CSGALNACT1: variants seen among roughly 807,000 people sequenced by gnomAD.
The protein encoded by CSGALNACT1 is beta4GalNAcT-1.
CSGALNACT1 carries 52 observed loss-of-function variants against 51.0 expected under a neutral mutation model. The observed-to-expected ratio is 1.02, with a 90% confidence interval of 0.82 to 1.29. The LOEUF (loss-of-function observed/expected upper bound fraction) is 1.29. Ranked by LOEUF, CSGALNACT1 falls within the 50% of genes most tolerant of loss-of-function variation. CSGALNACT1 has a pLI of 0.00. For synonymous variants in CSGALNACT1, 341 were observed against 254.4 expected (o/e 1.34, Z -3.24); for missense variants, 935 against 679.2 (o/e 1.38, Z -4.19).
At chr8:19,674,317 C>G (rs533297247) in intron 1 of CSGALNACT1, among the ~76,000 whole-genome samples, 1 of 151,864 alleles carries the variant, frequency 6.6e-6, no homozygotes, top group African/African-American at 2.4e-5. Flanking sequence ...TAAGGGAGGT[C>G]TGATGAATGC....
chr8:19,712,389 T>G (rs771825214), intron 1 of CSGALNACT1, among the ~76,000 whole-genome samples: 1 of 152,038 alleles, frequency 6.6e-6, no homozygotes, highest in Non-Finnish European at 1.5e-5. Flanking sequence ...ACAGGAACAG[T>G]TGGAGGATGG....
chr8:19,652,733 T>G (rs377281403), intron 1 of CSGALNACT1, among the ~76,000 whole-genome samples: 2 of 152,218 alleles, frequency 1.3e-5, no homozygotes, highest in Non-Finnish European at 2.9e-5. Flanking sequence ...CCTGTGTTAA[T>G]TGAATTTTGA....
chr8:19,593,891 G>T (rs751752328), intron 2 of CSGALNACT1, among the ~76,000 whole-genome samples: 1 of 152,112 alleles, frequency 6.6e-6, no homozygotes, highest in East Asian at 1.9e-4. Context: ...TCTCAACCTT[G>T]TGCTGAAACT....
intron 4 of CSGALNACT1, among the ~76,000 whole-genome samples, chr8:19,473,677 AG>A (rs2068736447): frequency 6.6e-6 from 1 of 152,248 alleles, no homozygotes; most frequent in Admixed American, 6.5e-5. Flanking sequence ...AAAAGTCAAA[AG>A]TAGTGTCTCT....
chr8:19,619,948 C>A (rs932678364), intron 1 of CSGALNACT1, among the ~76,000 whole-genome samples: 3 of 152,140 alleles, frequency 2.0e-5, no homozygotes, highest in African/African-American at 7.2e-5. Flanking sequence ...CTTCTAAATT[C>A]TAGTTCTCTA....
intron 4 of CSGALNACT1, among the ~76,000 whole-genome samples, chr8:19,504,865 A>G (rs1019018076): frequency 1.3e-5 from 2 of 152,234 alleles, no homozygotes; most frequent in African/African-American, 4.8e-5. Context: ...TTGCTAACCA[A>G]GCTCAGTTAC....
intron 2 of CSGALNACT1, among the ~76,000 whole-genome samples, chr8:19,598,934 G>A (rs2049597026): frequency 6.6e-6 from 1 of 152,158 alleles, no homozygotes; most frequent in South Asian, 2.1e-4. Context: ...GCCAGGCACT[G>A]GTCCTCAAGC....
intron 1 of CSGALNACT1, among the ~76,000 whole-genome samples, chr8:19,739,154 TC>T (rs2064159784): frequency 6.6e-6 from 1 of 151,834 alleles, no homozygotes; most frequent in Admixed American, 6.6e-5. Context: ...TATGCTTCTA[TC>T]GTGCTACTCA....
At chr8:19,723,952 T>C (rs544553988) in intron 1 of CSGALNACT1, among the ~76,000 whole-genome samples, 2 of 152,266 alleles carry the variant, frequency 1.3e-5, no homozygotes, top group African/African-American at 4.8e-5. Context: ...TAGTAACATA[T>C]TACCATTTAT....
intron 5 of CSGALNACT1, among the ~76,000 whole-genome samples, chr8:19,446,960 T>G (rs1181607853): frequency 1.3e-5 from 2 of 152,198 alleles, no homozygotes; most frequent in African/African-American, 4.8e-5. Context: ...GTACAGAGGC[T>G]AATTAAGATG....
intron 1 of CSGALNACT1, among the ~76,000 whole-genome samples, chr8:19,717,323 T>C (rs1309676480): frequency 6.6e-6 from 1 of 152,218 alleles, no homozygotes; most frequent in Non-Finnish European, 1.5e-5. Flanking sequence ...ACCACTGACA[T>C]AGCCTATGTA....
At chr8:19,428,637 T>A (rs1390304079) in intron 6 of CSGALNACT1, among the ~76,000 whole-genome samples, 2 of 152,168 alleles carry the variant, frequency 1.3e-5, no homozygotes, top group Non-Finnish European at 2.9e-5. Flanking sequence ...ACATAAGGAC[T>A]GGCGAATAGT....
intron 1 of CSGALNACT1, among the ~76,000 whole-genome samples, chr8:19,626,168 A>G (rs910291037): frequency 6.6e-6 from 1 of 152,236 alleles, no homozygotes; most frequent in Non-Finnish European, 1.5e-5. Flanking sequence ...CAGTTTTAAG[A>G]CTTACTGTGT....
chr8:19,420,019 A>G (rs7016259), intron 7 of CSGALNACT1, among the ~76,000 whole-genome samples: 75,636 of 151,984 alleles, frequency 0.5, 19,605 homozygotes, highest in East Asian at 0.82. Flanking sequence ...GAGTTCCCTT[A>G]CACACACTGT....
chr8:19,576,054 C>T (rs866641538), intron 3 of CSGALNACT1, among the ~76,000 whole-genome samples: 3 of 152,032 alleles, frequency 2.0e-5, no homozygotes, highest in African/African-American at 7.2e-5. Context: ...GGCCGAGAGA[C>T]GGGAGTGGGT....
intron 1 of CSGALNACT1, among the ~76,000 whole-genome samples, chr8:19,672,212 G>C (rs150947352): frequency 6.6e-6 from 1 of 152,024 alleles, no homozygotes; most frequent in Admixed American, 6.6e-5. Flanking sequence ...GAATTTCTTC[G>C]GCTTTCCCAT....
intron 1 of CSGALNACT1, among the ~76,000 whole-genome samples, chr8:19,701,976 G>A (rs945542973): frequency 6.6e-6 from 1 of 152,092 alleles, no homozygotes; most frequent in Admixed American, 6.5e-5. Flanking sequence ...TCCCCAAATT[G>A]CTCCTTTATT....
upstream of CSGALNACT1, among the ~76,000 whole-genome samples, chr8:19,606,260 C>T (rs973192747): frequency 2.5e-4 from 38 of 152,322 alleles, no homozygotes; most frequent in African/African-American, 9.1e-4. Context: ...TTTATATATA[C>T]ACAAAATTTA....
chr8:19,625,715 C>T lies in CSGALNACT1; in HGVS notation c.-543-23850G>A, dbSNP rs146081300. On this transcript the variant is annotated intron_variant, in intron 1 of 9. Transcript: ENST00000332246. Reference sequence around the variant, plus strand: ...CTCTTTAAACAAACTAGAAAATGTACGAAAAAGAAGTAAGATTCAGTAGGC... The same window carrying T: ...CTCTTTAAACAAACTAGAAAATGTATGAAAAAGAAGTAAGATTCAGTAGGC... Among the ~76,000 whole-genome samples, 140 of 152,180 alleles carry T rather than the reference C, an allele frequency of 9.2e-4. 1 individual carries two copies. The highest frequency in any genetic ancestry group is 1.4e-3 in the Non-Finnish European group (95 of 68,014).
Sources: allele counts gnomAD v4.1 joint callset (sites outside exome capture counted in the v4.1 genomes callset), GRCh38; gene constraint gnomAD v4.1.1; transcripts MANE v1.5; gene names NCBI Gene and HGNC (gene_info 2026-07-23, HGNC 2026-07-21).